The following DNAH7 variants were observed in gnomAD, a reference collection of about 807,000 sequenced individuals.
DNAH7 encodes the protein axonemal beta dynein heavy chain 7.
A neutral mutation model predicts 444.6 loss-of-function variants in DNAH7; 397 were observed. The ratio of observed to expected loss-of-function variants is 0.89; its 90% confidence interval spans 0.82 to 0.97. DNAH7 has a LOEUF of 0.97. DNAH7 is among the 50% of genes least tolerant of loss of function. The pLI is 0.00. For synonymous variants in DNAH7, 1,636 were observed against 1,624.4 expected (o/e 1.01, Z -0.17); for missense variants, 4,902 against 4,800.8 (o/e 1.02, Z -0.62).
intron 31 of DNAH7, among the ~76,000 whole-genome samples, chr2:195,891,224 C>T (rs372149430): frequency 8.4e-4 from 128 of 152,296 alleles, no homozygotes; most frequent in African/African-American, 3.0e-3. Flanking sequence ...CATCATTGTG[C>T]AAAGGTGTGC....
chr2:195,943,783 C>T (rs1243711155), intron 19 of DNAH7, among the ~76,000 whole-genome samples: 1 of 152,114 alleles, frequency 6.6e-6, no homozygotes, highest in African/African-American at 2.4e-5. Context: ...CAAATGTTCT[C>T]CAATTTGGAC....
chr2:195,972,015 T>A (rs1574918673), intron 16 of DNAH7, among the ~76,000 whole-genome samples: 2 of 152,238 alleles, frequency 1.3e-5, no homozygotes, highest in Admixed American at 1.3e-4. Context: ...AATCAAGAAA[T>A]GACTGCATAT....
At chr2:195,910,458 G>A (rs1289509732) in intron 24 of DNAH7, among the ~76,000 whole-genome samples, 1 of 152,072 alleles carries the variant, frequency 6.6e-6, no homozygotes, top group African/African-American at 2.4e-5. Context: ...CCAATATGAA[G>A]AATTCAGTTG....
At chr2:195,956,344 T>G (rs1375859214) in intron 19 of DNAH7, among the ~76,000 whole-genome samples, 1 of 152,192 alleles carries the variant, frequency 6.6e-6, no homozygotes, top group Non-Finnish European at 1.5e-5. Flanking sequence ...CAACCATGCT[T>G]CCGAGGCAGT....
intron 12 of DNAH7, chr2:195,994,424 TA>T: frequency 2.8e-6 from 2 of 706,682 alleles, no homozygotes; most frequent in Non-Finnish European, 4.8e-6. Context: ...CAGTCTGCTG[TA>T]AAAAGTTGGC....
intron 28 of DNAH7, among the ~76,000 whole-genome samples, chr2:195,898,542 G>A (rs965329396): frequency 6.6e-6 from 1 of 152,120 alleles, no homozygotes; most frequent in Non-Finnish European, 1.5e-5. Context: ...TTCGCACCAT[G>A]CAGTTAGATG....
At chr2:195,759,685 T>C (rs1258928672) in intron 61 of DNAH7, among the ~76,000 whole-genome samples, 2 of 152,000 alleles carry the variant, frequency 1.3e-5, no homozygotes, top group East Asian at 1.9e-4. Flanking sequence ...ACCCCGTCTC[T>C]ACAAAAAATA....
rs749503807 is a variant in DNAH7, at chr2:195,923,691, A to T, written c.3729T>A (p.Asp1243Glu). The T allele has an allele frequency of 6.2e-7, 1 of 1,614,152 alleles. No homozygotes were observed. The highest frequency in any genetic ancestry group is 8.5e-7 in the Non-Finnish European group (1 of 1,180,012). Residue 1243 changes from aspartate (D) to glutamate (E), a missense_variant, in exon 23 of 65, where the codon GAT (aspartate) becomes GAA (glutamate). Physicochemically the swap from Asp to Glu is conservative, Grantham distance 45. Coordinates refer to ENST00000312428, the MANE Select transcript of DNAH7 (RefSeq NM_018897.3). ...RVTLGALVVL[D>E]VHARDVLSSL... ...ATGAGAGGACATCTCTAGCATGGAC[A>T]TCCAGTACCACAAGTGCTCCCAGAG...
intron 2 of DNAH7, among the ~76,000 whole-genome samples, chr2:196,055,959 T>C (rs1697775631): frequency 6.6e-6 from 1 of 152,238 alleles, no homozygotes; most frequent in Non-Finnish European, 1.5e-5. Flanking sequence ...GTTTTCTTCT[T>C]ACATTGCAGT....
chr2:195,816,571 T>C lies in DNAH7; in HGVS notation c.9761+57A>G. 3.8e-6 allele frequency: 5 copies of C among 1,300,342 alleles called. No homozygotes were observed. The South Asian group carries it at 7.2e-5, about 19-fold the overall frequency. 80.6% of individuals were successfully genotyped at this position (1,300,342 alleles called of 1,614,324 possible). ...TGAGACAACAATAGAGGTCACAAAT[T>C]ACTCTCTGATTTCATGCATTAATTA... On this transcript the variant is annotated intron_variant, in intron 51 of 64. Coordinates refer to ENST00000312428, the MANE Select transcript of DNAH7 (RefSeq NM_018897.3).
At chr2:195,744,564 T>G (rs1356382305) in intron 63 of DNAH7, among the ~76,000 whole-genome samples, 1 of 152,238 alleles carries the variant, frequency 6.6e-6, no homozygotes, top group Non-Finnish European at 1.5e-5. Context: ...AGTGGGTCCC[T>G]GACCCCTCAC....
At chr2:196,025,822 C>T (rs1460279805) in intron 7 of DNAH7, among the ~76,000 whole-genome samples, 1 of 152,046 alleles carries the variant, frequency 6.6e-6, no homozygotes, top group Non-Finnish European at 1.5e-5. Flanking sequence ...CAATGAATGT[C>T]CTCCACCAAT....
chr2:196,042,926 A>G (rs932833115), intron 5 of DNAH7, among the ~76,000 whole-genome samples: 8 of 152,154 alleles, frequency 5.3e-5, no homozygotes, highest in African/African-American at 1.9e-4. Flanking sequence ...CATAATAGTC[A>G]AAACCCAAAC....
At position 195,922,170 on chromosome 2, in the gene DNAH7, T is replaced by G; in HGVS notation, c.3853A>C (p.Asn1285His). The change falls in exon 24 of 65, where the codon AAT (asparagine) becomes CAT (histidine). Residue 1285 changes from asparagine to histidine, a missense_variant. Asn to His is a moderately conservative substitution (Grantham distance 68). Coordinates refer to ENST00000312428, the MANE Select transcript of DNAH7 (RefSeq NM_018897.3). ...TCATATCCATATCGCAAACCAGCAT[T>G]GATCATTTTTGTTTCTAAATGATTT... ...QENHLETKMI[N>H]AGLRYGYEYL... The G allele has an allele frequency of 6.2e-7, 1 of 1,612,202 alleles. No individual in the cohort carries two copies. The highest frequency in any genetic ancestry group is 8.5e-7 in the Non-Finnish European group (1 of 1,178,394).
At chr2:195,855,761 T>C (rs1327717000) in intron 45 of DNAH7, 50 bp downstream of exon 45, 1 of 1,581,212 alleles carries the variant, frequency 6.3e-7, no homozygotes, top group East Asian at 2.2e-5. Context: ...ACATCATTCT[T>C]AGTTACGATA....
At chr2:196,016,328 TG>T (rs1559337512) in intron 9 of DNAH7, among the ~76,000 whole-genome samples, 2 of 152,218 alleles carry the variant, frequency 1.3e-5, no homozygotes, top group East Asian at 3.8e-4. Context: ...CTATATTGTA[TG>T]ACCTCATGAC....
intron 28 of DNAH7, among the ~76,000 whole-genome samples, 165 bp downstream of exon 28, chr2:195,900,117 T>C (rs1000250522): frequency 3.9e-5 from 6 of 152,174 alleles, no homozygotes; most frequent in Non-Finnish European, 8.8e-5. Context: ...TACAAATCAT[T>C]ATAAAATTTT....
Position 195,834,213 on chromosome 2 carries a change from A to T in DNAH7, c.9093T>A (p.Gly3031=). The T allele has an allele frequency of 6.2e-7, 1 of 1,605,534 alleles. No individual in the cohort carries two copies. Among genetic ancestry groups the T allele is most frequent in the Non-Finnish European group, 8.5e-7 (1 of 1,173,534 alleles). Residue 3031 remains glycine (G), a synonymous_variant, in exon 48 of 65, where the codon GGT becomes GGA. Coordinates refer to ENST00000312428, the MANE Select transcript of DNAH7 (RefSeq NM_018897.3). ...AGTTATTCAACTACATACCAGGAGT[A>T]CCAAACTGGATGCAATTTTCCAGAG... The part of the protein sequence containing the change: ...VRTLENCIQF[G]TPVLLENVGE...
At chr2:196,009,820 T>C (rs1694619513) in intron 10 of DNAH7, among the ~76,000 whole-genome samples, 3 of 151,872 alleles carry the variant, frequency 2.0e-5, no homozygotes, top group Non-Finnish European at 4.4e-5. Flanking sequence ...ACAGCAAAAA[T>C]CCAAATAATC....
Sources: allele counts gnomAD v4.1 joint callset (sites outside exome capture counted in the v4.1 genomes callset), GRCh38; gene constraint gnomAD v4.1.1; transcripts MANE v1.5; gene names NCBI Gene and HGNC (gene_info 2026-07-23, HGNC 2026-07-21).